TNFSF4: variants seen among roughly 807,000 people sequenced by gnomAD.
TNFSF4 encodes the protein TNF superfamily member 4.
TNFSF4 carries 4 observed loss-of-function variants against 7.3 expected under a neutral mutation model. That is an observed-to-expected ratio of 0.55 (90% CI 0.27 to 1.25). TNFSF4 has a LOEUF of 1.25. Among genes scored for constraint, TNFSF4 ranks in the 50% most tolerant of loss-of-function variants. The probability of loss-of-function intolerance (pLI) is 0.12; values close to 1 mark genes in which losing one functional copy is unlikely to be tolerated. For synonymous variants in TNFSF4, 76 were observed against 83.7 expected (o/e 0.91, Z 0.50); for missense variants, 181 against 208.8 (o/e 0.87, Z 0.82).
chr1:173,401,826 A>G, the TNFSF4 span, among the ~76,000 whole-genome samples: 1 of 152,160 alleles, frequency 6.6e-6, no homozygotes, highest in Admixed American at 6.5e-5. Flanking sequence ...ATACAACTAT[A>G]TATTTGGGAA....
At chr1:173,285,611 A>G in the TNFSF4 span, among the ~76,000 whole-genome samples, 1 of 152,196 alleles carries the variant, frequency 6.6e-6, no homozygotes, top group South Asian at 2.1e-4. Flanking sequence ...CCACCACAAC[A>G]TTCAGCAACC....
the TNFSF4 span, among the ~76,000 whole-genome samples, chr1:173,246,839 C>T: frequency 6.6e-6 from 1 of 152,236 alleles, no homozygotes; most frequent in Non-Finnish European, 1.5e-5. Flanking sequence ...CAGTGTTAGT[C>T]TCTCTGGGTC....
the TNFSF4 span, among the ~76,000 whole-genome samples, chr1:173,408,776 C>CG: frequency 6.6e-6 from 1 of 151,804 alleles, no homozygotes; most frequent in African/African-American, 2.4e-5. Flanking sequence ...TTAGTAGAGA[C>CG]GGGGGGTTTC....
the TNFSF4 span, among the ~76,000 whole-genome samples, chr1:173,317,333 T>C: frequency 1.3e-5 from 2 of 152,232 alleles, no homozygotes; most frequent in African/African-American, 4.8e-5. Context: ...GATACCTGCA[T>C]GGTAATCTGT....
the TNFSF4 span, among the ~76,000 whole-genome samples, chr1:173,356,990 A>T: frequency 6.6e-6 from 1 of 152,130 alleles, no homozygotes; most frequent in Admixed American, 6.5e-5. Flanking sequence ...ATAGCTGGGG[A>T]CCCATTTGGC....
chr1:173,248,364 A>AAAGG, the TNFSF4 span, among the ~76,000 whole-genome samples: 1 of 151,074 alleles, frequency 6.6e-6, no homozygotes, highest in Non-Finnish European at 1.5e-5. Flanking sequence ...AAAAAAAAAC[A>AAAGG]AAGGAAGAAA....
chr1:173,186,876 T>G lies in TNFSF4; in HGVS notation c.203-11A>C, dbSNP rs1330302776. 1.3e-6 allele frequency: 2 copies of G among 1,540,392 alleles called. No individual in the cohort carries two copies. Among genetic ancestry groups the G allele is most frequent in the African/African-American group, 2.8e-5 (2 of 72,354 alleles). On this transcript the variant is annotated splice_polypyrimidine_tract_variant and intron_variant, in intron 2 of 2. Transcript: ENST00000281834. ...TCTCCTTCTTATATTCTAGGGAGGATAGGGGAAAATTTGTTTAATTAATTC... is the reference window on the plus strand; with the variant it reads ...TCTCCTTCTTATATTCTAGGGAGGAGAGGGGAAAATTTGTTTAATTAATTC...
chr1:173,346,013 G>A, the TNFSF4 span, among the ~76,000 whole-genome samples: 145 of 152,276 alleles, frequency 9.5e-4, no homozygotes, highest in Non-Finnish European at 1.8e-3. Flanking sequence ...AGGATTTAAC[G>A]AGAGGGCTGA....
chr1:173,255,931 T>C, the TNFSF4 span, among the ~76,000 whole-genome samples: 39 of 152,220 alleles, frequency 2.6e-4, no homozygotes, highest in Middle Eastern at 6.8e-3. Context: ...TCATTTTTAT[T>C]TGGGTGTTAT....
the TNFSF4 span, among the ~76,000 whole-genome samples, chr1:173,432,338 C>A: frequency 6.6e-6 from 1 of 152,142 alleles, no homozygotes; most frequent in African/African-American, 2.4e-5. Context: ...AAGTCCTAAT[C>A]CCCAATGTAT....
At chr1:173,186,992 A>T (rs1296616131) in intron 2 of TNFSF4, 127 bp from the exon 3 acceptor site, 2 of 651,556 alleles carry the variant, frequency 3.1e-6, no homozygotes, top group East Asian at 5.5e-5. Context: ...GAGTAAAAGC[A>T]GTGAGCCAAG....
At chr1:173,264,631 T>A in the TNFSF4 span, among the ~76,000 whole-genome samples, 1 of 152,136 alleles carries the variant, frequency 6.6e-6, no homozygotes, top group Non-Finnish European at 1.5e-5. Flanking sequence ...GCCAAACCAA[T>A]CAGGCAAAGC....
At chr1:173,197,605 A>G (rs1649759511) in intron 1 of TNFSF4, among the ~76,000 whole-genome samples, 1 of 152,226 alleles carries the variant, frequency 6.6e-6, no homozygotes, top group Non-Finnish European at 1.5e-5. Flanking sequence ...AAAACACCGC[A>G]TGTTCTCACT....
the TNFSF4 span, among the ~76,000 whole-genome samples, chr1:173,288,115 T>C: frequency 2.0e-5 from 3 of 152,228 alleles, no homozygotes. Context: ...AGTTAACAAC[T>C]TCACCATCTG....
the TNFSF4 span, among the ~76,000 whole-genome samples, chr1:173,390,130 A>C: frequency 6.6e-6 from 1 of 152,188 alleles, no homozygotes; most frequent in Non-Finnish European, 1.5e-5. Context: ...TGGACAATAC[A>C]AATATGAACC....
the TNFSF4 span, among the ~76,000 whole-genome samples, chr1:173,327,574 G>A: frequency 5.3e-5 from 8 of 151,052 alleles, no homozygotes; most frequent in East Asian, 1.9e-4. Context: ...GCAACCTACA[G>A]AATGGGAGAA....
the TNFSF4 span, among the ~76,000 whole-genome samples, chr1:173,176,132 G>GT: frequency 6.6e-6 from 1 of 152,044 alleles, no homozygotes; most frequent in African/African-American, 2.4e-5. Flanking sequence ...TGGTGTAATT[G>GT]CTTTTTTTGT....
the TNFSF4 span, among the ~76,000 whole-genome samples, chr1:173,253,058 G>A: frequency 6.6e-6 from 1 of 152,102 alleles, no homozygotes; most frequent in Non-Finnish European, 1.5e-5. Context: ...CATTCACTCT[G>A]TCTTACCAGA....
intron 1 of TNFSF4, chr1:173,205,548 T>A: frequency 7.6e-7 from 1 of 1,315,870 alleles, no homozygotes; most frequent in East Asian, 2.9e-5. Flanking sequence ...GAGCCATGTG[T>A]CCTGTGTTTT....
Sources: allele counts gnomAD v4.1 joint callset (sites outside exome capture counted in the v4.1 genomes callset), GRCh38; gene constraint gnomAD v4.1.1; transcripts MANE v1.5; gene names NCBI Gene and HGNC (gene_info 2026-07-23, HGNC 2026-07-21).